Variants in CIRSR observed in about 807,000 individuals in gnomAD.
CIRSR encodes the protein CBF1 (RBPJ) interacting corepressor 1.
At chr2:174,389,933 CAGA>C in the CIRSR span, among the ~76,000 whole-genome samples, 1 of 152,216 alleles carries the variant, frequency 6.6e-6, no homozygotes, top group African/African-American at 2.4e-5. Context: ...GCCTAGATTT[CAGA>C]AGATGTATGG....
At chr2:174,365,450 C>G in the CIRSR span, among the ~76,000 whole-genome samples, 1 of 152,190 alleles carries the variant, frequency 6.6e-6, no homozygotes, top group Non-Finnish European at 1.5e-5. Flanking sequence ...ATCTTTTCAG[C>G]AACACCTCAC....
the CIRSR span, among the ~76,000 whole-genome samples, chr2:174,369,229 G>A: frequency 4.6e-5 from 7 of 152,178 alleles, no homozygotes; most frequent in Admixed American, 4.6e-4. Flanking sequence ...GTTTTGTTAG[G>A]GTTGTGGCTT....
the CIRSR span, among the ~76,000 whole-genome samples, chr2:174,370,690 G>A: frequency 6.6e-6 from 1 of 152,106 alleles, no homozygotes; most frequent in Non-Finnish European, 1.5e-5. Flanking sequence ...CGAGGTGGGC[G>A]GATCACGAGG....
chr2:174,374,730 T>A, the CIRSR span, among the ~76,000 whole-genome samples: 261 of 152,334 alleles, frequency 1.7e-3, no homozygotes, highest in South Asian at 8.9e-3. Context: ...AACCGCTAAG[T>A]ACATGGCTTC....
the CIRSR span, chr2:174,380,502 G>T: frequency 1.3e-6 from 1 of 743,970 alleles, no homozygotes; most frequent in Non-Finnish European, 2.1e-6. Flanking sequence ...AAGCAGATTA[G>T]TTGAATAAGA....
chr2:174,381,698 A>G, the CIRSR span: 2 of 1,575,352 alleles, frequency 1.3e-6, no homozygotes, highest in Non-Finnish European at 1.7e-6. Flanking sequence ...GGAAGAAGAT[A>G]AGTACCTTTT....
chr2:174,349,314 C>A, the CIRSR span: 1 of 542,764 alleles, frequency 1.8e-6, no homozygotes, highest in Non-Finnish European at 3.0e-6. Context: ...TACCTGTAAT[C>A]CCAGCACTTT....
At chr2:174,370,910 C>A in the CIRSR span, among the ~76,000 whole-genome samples, 727 of 128,290 alleles carry the variant, frequency 5.7e-3, no homozygotes, top group East Asian at 0.01. Flanking sequence ...GACTCCGTCT[C>A]AAAAAAAAAA....
At chr2:174,393,811 A>C in the CIRSR span, among the ~76,000 whole-genome samples, 1 of 152,170 alleles carries the variant, frequency 6.6e-6, no homozygotes, top group Non-Finnish European at 1.5e-5. Context: ...TCTACACTAT[A>C]AACATATCCA....
At chr2:174,368,846 A>T in the CIRSR span, among the ~76,000 whole-genome samples, 1 of 152,230 alleles carries the variant, frequency 6.6e-6, no homozygotes, top group Non-Finnish European at 1.5e-5. Context: ...ATCTTCAGTA[A>T]ATCATGCTGT....
the CIRSR span, among the ~76,000 whole-genome samples, chr2:174,385,671 C>T: frequency 1.3e-5 from 2 of 151,672 alleles, no homozygotes; most frequent in East Asian, 1.9e-4. Flanking sequence ...AATGGATATA[C>T]GAGCCAATCT....
the CIRSR span, among the ~76,000 whole-genome samples, chr2:174,353,291 GTTT>G: frequency 6.6e-6 from 1 of 152,082 alleles, no homozygotes; most frequent in African/African-American, 2.4e-5. Flanking sequence ...AACCAAGAGG[GTTT>G]TTAATTTTTT....
the CIRSR span, among the ~76,000 whole-genome samples, chr2:174,356,566 A>AG: frequency 6.8e-5 from 9 of 132,028 alleles, no homozygotes; most frequent in Non-Finnish European, 1.4e-4. Context: ...GAAGAAAGAA[A>AG]GGAGAAAGAA....
chr2:174,368,042 C>T, the CIRSR span, among the ~76,000 whole-genome samples: 5 of 152,056 alleles, frequency 3.3e-5, no homozygotes, highest in African/African-American at 7.3e-5. Flanking sequence ...CCCATGTGTA[C>T]ATGCCTAACA....
chr2:174,379,640 G>A, the CIRSR span, among the ~76,000 whole-genome samples: 1 of 151,030 alleles, frequency 6.6e-6, no homozygotes. Flanking sequence ...TTGACCTTGA[G>A]CTGATTCTCC....
At chr2:174,349,372 C>T in the CIRSR span, among the ~76,000 whole-genome samples, 6 of 151,894 alleles carry the variant, frequency 4.0e-5, no homozygotes, top group Admixed American at 2.6e-4. Context: ...CGAGACCAGC[C>T]TGACCAACAT....
At chr2:174,349,508 T>C in the CIRSR span, among the ~76,000 whole-genome samples, 1 of 139,964 alleles carries the variant, frequency 7.1e-6, no homozygotes, top group Non-Finnish European at 1.5e-5. Flanking sequence ...GAGGTTGCAG[T>C]GAGTCAAAAT....
chr2:174,381,170 T>C, the CIRSR span, among the ~76,000 whole-genome samples: 1 of 152,238 alleles, frequency 6.6e-6, no homozygotes, highest in Non-Finnish European at 1.5e-5. Flanking sequence ...AGTTTCTTCC[T>C]TCTCAAAGGG....
chr2:174,359,107 T>C, the CIRSR span, among the ~76,000 whole-genome samples: 1 of 151,586 alleles, frequency 6.6e-6, no homozygotes, highest in Non-Finnish European at 1.5e-5. Context: ...TACAAAAGAG[T>C]ACCTACTGTA....
Sources: gnomAD v4.1 joint callset for allele counts (sites outside exome capture counted in the v4.1 genomes callset) on GRCh38, gnomAD v4.1.1 for gene constraint, MANE v1.5 for transcripts, NCBI Gene and HGNC (gene_info 2026-07-23, HGNC 2026-07-21) for gene names.